Variants in DENND4C observed in about 807,000 individuals in gnomAD.
The protein encoded by DENND4C is DENN domain-containing protein 4C.
Under a neutral mutation model 203.0 loss-of-function variants are expected in DENND4C, and 108 were observed. The ratio of observed to expected loss-of-function variants is 0.53; its 90% CI spans 0.46 to 0.62. The LOEUF is 0.62. DENND4C is among the 20% of genes least tolerant of loss of function. The probability of loss-of-function intolerance (pLI) is 0.00; values close to 1 mark genes in which losing one functional copy is unlikely to be tolerated. For missense variants in DENND4C, 2,481 were observed against 2,301.2 expected, an observed-to-expected ratio of 1.08 and a Z score of -1.60; for synonymous variants, 871 against 792.4, an observed-to-expected ratio of 1.10 and a Z score of -1.67.
chr9:19,364,911 G>T (rs977601188), intron 30 of DENND4C, among the ~76,000 whole-genome samples: 1 of 147,828 alleles, frequency 6.8e-6, no homozygotes, highest in Non-Finnish European at 1.5e-5. Context: ...AAAAGAAAAC[G>T]AAAAAAAAAG....
chr9:19,336,388 A>G lies in DENND4C; in HGVS notation c.2708A>G (p.Gln903Arg). 1.9e-6 allele frequency: 3 copies of G among 1,613,948 alleles called. No homozygotes were observed. The highest frequency in any genetic ancestry group is 2.5e-6 in the Non-Finnish European group (3 of 1,179,928). The change falls in exon 19 of 33, where the codon CAA (glutamine) becomes CGA (arginine). Residue 903 changes from glutamine to arginine, a missense_variant. By Grantham distance (43) the Gln-to-Arg change is conservative (BLOSUM62 1). Around this residue, in one of 3 missense-constraint regions of DENND4C, gnomAD observed 2,289 missense variants for 2,113.3 expected, o/e 1.08. Transcript: ENST00000434457. The part of the protein sequence containing the change: ...QFRQPLKKTV[Q>R]RSQVSSISAL... Reference sequence around the variant, plus strand: ...AGGCAGCCGCTTAAAAAGACTGTGCAAAGGTCACAGGTCTCCTCAATATCA... The same window carrying G: ...AGGCAGCCGCTTAAAAAGACTGTGCGAAGGTCACAGGTCTCCTCAATATCA...
chr9:19,274,100 G>A (rs1832346504), intron 1 of DENND4C, among the ~76,000 whole-genome samples: 1 of 151,972 alleles, frequency 6.6e-6, no homozygotes, highest in Admixed American at 6.6e-5. Context: ...GTTGATACAA[G>A]CAACAACATG....
chr9:19,247,728 G>A (rs944521453), intron 1 of DENND4C, among the ~76,000 whole-genome samples: 3 of 152,122 alleles, frequency 2.0e-5, no homozygotes, highest in East Asian at 3.8e-4. Flanking sequence ...GAATATTTTA[G>A]TAGGCATGTC....
At chr9:19,231,062 G>A (rs1820408140) in intron 1 of DENND4C, among the ~76,000 whole-genome samples, 1 of 152,234 alleles carries the variant, frequency 6.6e-6, no homozygotes, top group Admixed American at 6.5e-5. Flanking sequence ...CCTGCGGGAT[G>A]CAGTCGGGGA....
intron 2 of DENND4C, among the ~76,000 whole-genome samples, chr9:19,277,196 A>G (rs1223111661): frequency 6.6e-6 from 1 of 152,098 alleles, no homozygotes; most frequent in Non-Finnish European, 1.5e-5. Context: ...CCTGGCAAGT[A>G]TTTTAGGATC....
rs931263472 is a variant in DENND4C at position 19,351,775 on chromosome 9, C to G, written c.4496-298C>G. On this transcript the variant is annotated intron_variant, in intron 24 of 32. Coordinates refer to ENST00000434457, the MANE Select transcript of DENND4C (RefSeq NM_001330640.2). Reference sequence around the variant, plus strand: ...TGAGCCGAGATTGTACCACTGCACTCTAGCCTGGGCAACAGAGCGAGACTC... The same window carrying G: ...TGAGCCGAGATTGTACCACTGCACTGTAGCCTGGGCAACAGAGCGAGACTC... Among the ~76,000 whole-genome samples, 5 of 149,368 alleles carry G rather than the reference C, an allele frequency of 3.3e-5. No homozygotes were observed. In the Admixed American group the frequency reaches 3.4e-4, roughly 10 times the overall value.
At chr9:19,285,179 A>G (rs1347204612) in intron 2 of DENND4C, among the ~76,000 whole-genome samples, 2 of 152,086 alleles carry the variant, frequency 1.3e-5, no homozygotes, top group African/African-American at 4.8e-5. Context: ...TACCTTCATG[A>G]TAGACTAGAT....
chr9:19,260,169 G>T (rs939401359), intron 1 of DENND4C, among the ~76,000 whole-genome samples: 4 of 152,152 alleles, frequency 2.6e-5, no homozygotes, highest in African/African-American at 9.7e-5. Flanking sequence ...ACTGGTGTGA[G>T]ATGATATCTC....
intron 1 of DENND4C, among the ~76,000 whole-genome samples, chr9:19,255,300 GA>G (rs1183169429): frequency 1.3e-5 from 2 of 152,098 alleles, no homozygotes; most frequent in Admixed American, 6.6e-5. Flanking sequence ...AGCTACTCAG[GA>G]GGCTGAGCTA....
At chr9:19,315,415 T>C (rs1453249506) in intron 10 of DENND4C, among the ~76,000 whole-genome samples, 1 of 151,692 alleles carries the variant, frequency 6.6e-6, no homozygotes, top group East Asian at 1.9e-4. Flanking sequence ...AAGTTTGTTA[T>C]ATTTATGCTA....
chr9:19,329,309 C>T (rs1451204114), intron 16 of DENND4C, among the ~76,000 whole-genome samples: 1 of 152,158 alleles, frequency 6.6e-6, no homozygotes, highest in Non-Finnish European at 1.5e-5. Context: ...AGTAGAACTG[C>T]ATAATATGTA....
chr9:19,232,832 C>T (rs1820914771), intron 1 of DENND4C, among the ~76,000 whole-genome samples: 1 of 152,116 alleles, frequency 6.6e-6, no homozygotes, highest in Non-Finnish European at 1.5e-5. Flanking sequence ...TGTAGCTATA[C>T]ACAAGGGATT....
intron 1 of DENND4C, among the ~76,000 whole-genome samples, chr9:19,250,968 A>T (rs927523279): frequency 1.3e-5 from 2 of 152,164 alleles, no homozygotes; most frequent in African/African-American, 4.8e-5. Flanking sequence ...GGGAGGATCT[A>T]CTATTCTGGG....
chr9:19,352,714 C>A, intron 26 of DENND4C, 49 bp downstream of exon 26: 1 of 1,404,740 alleles, frequency 7.1e-7, no homozygotes, highest in Non-Finnish European at 9.5e-7. Flanking sequence ...TCAAAAAACA[C>A]GACTTCTGGG....
At chr9:19,357,182 T>C (rs779538741) in intron 27 of DENND4C, 28 bp downstream of exon 27, 4 of 1,611,170 alleles carry the variant, frequency 2.5e-6, no homozygotes, top group Non-Finnish European at 2.5e-6. Context: ...GACCTCTTTA[T>C]GTAGTAATAA....
chr9:19,259,512 T>C (rs1390124694), intron 1 of DENND4C, among the ~76,000 whole-genome samples: 8 of 150,364 alleles, frequency 5.3e-5, no homozygotes, highest in Non-Finnish European at 1.2e-4. Context: ...TTTCTTTTTT[T>C]TTTTTTTTTG....
At chr9:19,339,344 C>G (rs1270846962) in intron 20 of DENND4C, among the ~76,000 whole-genome samples, 4 of 152,156 alleles carry the variant, frequency 2.6e-5, no homozygotes, top group Non-Finnish European at 5.9e-5. Context: ...TTTCTTTAGT[C>G]TTCCTTAACC....
chr9:19,286,722 G>T (rs1281774193), intron 2 of DENND4C, 47 bp from the exon 3 acceptor site: 1 of 1,192,320 alleles, frequency 8.4e-7, no homozygotes, highest in Admixed American at 4.2e-5. Flanking sequence ...ATATGTATGT[G>T]TGTATGTATA....
intron 30 of DENND4C, among the ~76,000 whole-genome samples, chr9:19,365,551 AAAG>A (rs1452173795): frequency 6.6e-6 from 1 of 152,094 alleles, no homozygotes; most frequent in Non-Finnish European, 1.5e-5. Flanking sequence ...TTAGTCAAGA[AAAG>A]AAAAGGCATC....
Sources: allele counts gnomAD v4.1 joint callset (sites outside exome capture counted in the v4.1 genomes callset), GRCh38; gene constraint gnomAD v4.1.1; regional missense constraint gnomAD v4.1.1; transcripts MANE v1.5; gene names NCBI Gene and HGNC (gene_info 2026-07-23, HGNC 2026-07-21).